The following ZC3H6 variants were observed in gnomAD, a reference collection of about 807,000 sequenced individuals.
ZC3H6 encodes the protein zinc finger CCCH domain-containing protein 6.
A neutral mutation model predicts 107.7 loss-of-function variants in ZC3H6; 40 were observed. The observed-to-expected ratio is 0.37, with a 90% CI of 0.29 to 0.48. ZC3H6 has a LOEUF of 0.48. ZC3H6 is among the 20% of genes least tolerant of loss of function. The probability of loss-of-function intolerance (pLI) is 0.98; values close to 1 mark genes in which losing one functional copy is unlikely to be tolerated. For synonymous variants in ZC3H6, 493 were observed against 487.9 expected (o/e 1.01, Z -0.14); for missense variants, 1,267 against 1,410.4 (o/e 0.90, Z 1.63).
At chr2:112,285,763 C>T (rs1290084837) in intron 1 of ZC3H6, among the ~76,000 whole-genome samples, 1 of 151,990 alleles carries the variant, frequency 6.6e-6, no homozygotes, top group African/African-American at 2.4e-5. Flanking sequence ...GAGTTCAAGA[C>T]CAGCCTGGCT....
At chr2:112,278,030 C>T (rs1686458570) in intron 1 of ZC3H6, among the ~76,000 whole-genome samples, 1 of 152,124 alleles carries the variant, frequency 6.6e-6, no homozygotes, top group African/African-American at 2.4e-5. Context: ...CCGCTATACT[C>T]GATCAGTGTT....
intron 3 of ZC3H6, 118 bp downstream of exon 3, chr2:112,303,469 A>G (rs1472484721): frequency 1.5e-6 from 1 of 672,750 alleles, no homozygotes; most frequent in African/African-American, 1.9e-5. Context: ...TTCAATCATC[A>G]CCACTTATCC....
intron 11 of ZC3H6, among the ~76,000 whole-genome samples, chr2:112,325,908 G>T (rs1220097711): frequency 6.6e-6 from 1 of 152,020 alleles, no homozygotes; most frequent in Non-Finnish European, 1.5e-5. Context: ...TTCAGTAAAG[G>T]ATGAGAAAAG....
intron 1 of ZC3H6, among the ~76,000 whole-genome samples, chr2:112,286,607 T>C (rs758803090): frequency 7.2e-5 from 11 of 152,148 alleles, no homozygotes; most frequent in Non-Finnish European, 1.5e-4. Flanking sequence ...CCAGCTAAAT[T>C]TTGCATTTTT....
At position 112,331,751 on chromosome 2, in the gene ZC3H6, G is replaced by C. The variant is rs1677037132; in HGVS notation, c.2833G>C (p.Gly945Arg). The C allele has an allele frequency of 6.2e-7, 1 of 1,613,528 alleles. No individual in the cohort carries two copies. The highest frequency in any genetic ancestry group is 1.7e-5 in the Admixed American group (1 of 59,950). The change falls in exon 12 of 12, where the codon GGC becomes CGC. Residue 945 changes from glycine to arginine, a missense_variant. Physicochemically the swap from Gly to Arg is moderately radical, Grantham distance 125. Around this residue, in one of 3 missense-constraint regions of ZC3H6, gnomAD observed 925 missense variants for 1,025.7 expected, o/e 0.90. Coordinates refer to ENST00000409871, the MANE Select transcript of ZC3H6 (RefSeq NM_198581.3). Reference protein sequence around the residue: ...KAKINTTNREGYLEQFGDSHG... With the variant: ...KAKINTTNRERYLEQFGDSHG... ...CAAAATTAACACAACAAACAGAGAA[G>C]GCTACCTAGAACAATTTGGAGACTC...
At chr2:112,288,171 A>G (rs952404821) in intron 1 of ZC3H6, among the ~76,000 whole-genome samples, 1 of 152,188 alleles carries the variant, frequency 6.6e-6, no homozygotes, top group African/African-American at 2.4e-5. Context: ...ACCTTCAGGA[A>G]CAGACTCCAA....
At chr2:112,293,217 A>C (rs1307309008) in intron 1 of ZC3H6, among the ~76,000 whole-genome samples, 2 of 152,172 alleles carry the variant, frequency 1.3e-5, no homozygotes, top group African/African-American at 4.8e-5. Flanking sequence ...AAAATTTATA[A>C]TATTGCCCAT....
Position 112,285,546 on chromosome 2 carries a change from C to T in ZC3H6, c.32+9520C>T, listed in dbSNP as rs535160672. Among the ~76,000 whole-genome samples the T allele has an allele frequency of 1.3e-3, 198 of 151,858 alleles. 1 individual carries two copies. Among genetic ancestry groups the T allele is most frequent in the East Asian group, 1.6e-3 (8 of 5,100 alleles). ...TAATTTTTGTATTTTTTGGTAGAGA[C>T]GGGGTTTCACCATGTTGGCCAGGCT... is the stretch of plus-strand genomic sequence containing the variant. On this transcript the variant is annotated intron_variant, in intron 1 of 11. Transcript: ENST00000409871.
chr2:112,316,431 T>G, intron 5 of ZC3H6, 39 bp from the exon 6 acceptor site: 1 of 1,259,612 alleles, frequency 7.9e-7, no homozygotes, highest in Non-Finnish European at 1.1e-6. Context: ...CCTATTAATA[T>G]TTCATATGCT....
At chr2:112,283,861 A>G (rs1010663341) in intron 1 of ZC3H6, among the ~76,000 whole-genome samples, 3 of 152,226 alleles carry the variant, frequency 2.0e-5, no homozygotes, top group African/African-American at 4.8e-5. Context: ...AGACAATTTC[A>G]TCTTAGTTAA....
At chr2:112,313,867 TC>T (rs1676639060) in intron 5 of ZC3H6, among the ~76,000 whole-genome samples, 1 of 152,118 alleles carries the variant, frequency 6.6e-6, no homozygotes, top group Non-Finnish European at 1.5e-5. Flanking sequence ...CGGGGTACCT[TC>T]AGATTCATCA....
Position 112,311,866 on chromosome 2 carries a change from A to T in ZC3H6, c.676A>T (p.Lys226Ter). The change falls in exon 5 of 12, where the codon AAA becomes TAA. Residue 226 changes from lysine (K) to a stop codon, truncating the protein, a stop_gained. Coordinates refer to ENST00000409871, the MANE Select transcript of ZC3H6 (RefSeq NM_198581.3). LOFTEE classifies it high-confidence loss of function. ...TGGACGTGGCTTGCCGAAGAAAATC[A>T]AACGAAAAGAACGTGGGGGAAGAAC... ...GRGRGLPKKIKRKERGGRTNK... is the reference protein window; with the variant it reads ...GRGRGLPKKI 1.2e-6 allele frequency: 2 copies of T among 1,613,720 alleles called. No individual in the cohort carries two copies. Among genetic ancestry groups the T allele is most frequent in the Non-Finnish European group, 1.7e-6 (2 of 1,179,722 alleles).
rs932430943 is a variant in ZC3H6 at position 112,317,198 on chromosome 2, C to T, written c.865-23C>T. On this transcript the variant is annotated intron_variant, in intron 6 of 11. Transcript: ENST00000409871. ...TGTTTCTTACCTTTTTTTCTTTTTT[C>T]TTTTTTTTTTTTTTGTGAATAGGGA... 950 of 1,027,338 alleles carry T rather than the reference C, an allele frequency of 9.2e-4. 1 individual carries two copies. The highest frequency in any genetic ancestry group is 3.7e-3 in the South Asian group (164 of 44,226). 63.6% of individuals were successfully genotyped at this position (1,027,338 alleles called of 1,614,324 possible).
intron 1 of ZC3H6, among the ~76,000 whole-genome samples, chr2:112,289,024 A>C (rs1032758490): frequency 6.2e-5 from 8 of 129,584 alleles, no homozygotes; most frequent in African/African-American, 2.8e-5. Flanking sequence ...ACTGACTTTG[A>C]TGAGCTGAAC....
intron 4 of ZC3H6, 69 bp from the exon 5 acceptor site, chr2:112,311,735 C>T: frequency 1.4e-6 from 2 of 1,413,698 alleles, no homozygotes. Flanking sequence ...TGTGCTGTTC[C>T]TTATAAACTA....
At chr2:112,307,951 C>G (rs906849557) in intron 3 of ZC3H6, among the ~76,000 whole-genome samples, 2 of 152,132 alleles carry the variant, frequency 1.3e-5, no homozygotes, top group Non-Finnish European at 2.9e-5. Context: ...AATTGATACT[C>G]ATCTATTAAC....
chr2:112,285,984 CTGT>C (rs907276921), intron 1 of ZC3H6: 19 of 189,546 alleles, frequency 1.0e-4, no homozygotes, highest in Non-Finnish European at 1.6e-4. Context: ...TTCTCACTTT[CTGT>C]TGTTGTTGTT....
At chr2:112,289,316 CTTTTTCTTTTT>C (rs1676045971) in intron 1 of ZC3H6, among the ~76,000 whole-genome samples, 1 of 132,260 alleles carries the variant, frequency 7.6e-6, no homozygotes. Flanking sequence ...CTTTTTTTTT[CTTTTTCTTTTT>C]TTTTTTTTTT....
intron 1 of ZC3H6, among the ~76,000 whole-genome samples, chr2:112,283,594 A>G (rs1686561577): frequency 6.6e-6 from 1 of 152,234 alleles, no homozygotes; most frequent in African/African-American, 2.4e-5. Flanking sequence ...TGTAATTTCC[A>G]TAACTTCATT....
Sources: gnomAD v4.1 joint callset for allele counts (sites outside exome capture counted in the v4.1 genomes callset) on GRCh38, gnomAD v4.1.1 for gene constraint, gnomAD v4.1.1 regional missense constraint, MANE v1.5 for transcripts, NCBI Gene and HGNC (gene_info 2026-07-23, HGNC 2026-07-21) for gene names.